Variants in DLC1 observed in about 807,000 individuals in gnomAD.
DLC1 encodes the protein rho GTPase-activating protein 7.
In DLC1, 54 loss-of-function variants were observed where a neutral mutation model predicts 140.3. The ratio of observed to expected loss-of-function variants is 0.38; its 90% CI spans 0.31 to 0.48. The LOEUF (loss-of-function observed/expected upper bound fraction) is 0.48, where lower values mean the gene tolerates loss of function less well. Ranked by LOEUF, DLC1 falls within the 20% of genes least tolerant of loss-of-function variation. The pLI is 0.96. For missense variants in DLC1, 2,536 were observed against 1,907.0 expected, an observed-to-expected ratio of 1.33 and a Z score of -6.14; for synonymous variants, 986 against 728.1, an observed-to-expected ratio of 1.35 and a Z score of -5.70.
At chr8:13,308,798 T>C (rs183740471) in intron 4 of DLC1, among the ~76,000 whole-genome samples, 33 of 152,262 alleles carry the variant, frequency 2.2e-4, no homozygotes, top group African/African-American at 7.9e-4. Flanking sequence ...AGAAATGGAA[T>C]GGTTTTCTTG....
intron 4 of DLC1, among the ~76,000 whole-genome samples, chr8:13,389,002 T>C (rs1586256199): frequency 6.6e-6 from 1 of 152,086 alleles, no homozygotes; most frequent in African/African-American, 2.4e-5. Flanking sequence ...TGTGAATCCC[T>C]GTAAAGTATA....
chr8:13,445,994 A>T (rs150787933), intron 2 of DLC1, among the ~76,000 whole-genome samples: 12 of 152,320 alleles, frequency 7.9e-5, no homozygotes, highest in African/African-American at 2.9e-4. Flanking sequence ...TTGGTCATAC[A>T]GTTGTTGACT....
intron 5 of DLC1, among the ~76,000 whole-genome samples, chr8:13,229,250 G>C (rs1429990940): frequency 6.6e-6 from 1 of 152,102 alleles, no homozygotes; most frequent in Admixed American, 6.5e-5. Context: ...ATATCATTTG[G>C]CAGTACAAAG....
intron 2 of DLC1, among the ~76,000 whole-genome samples, chr8:13,490,402 G>T (rs146232861): frequency 1.3e-5 from 2 of 152,098 alleles, no homozygotes; most frequent in Non-Finnish European, 2.9e-5. Context: ...TTTTCTTTAC[G>T]GTTAGAAAAT....
chr8:13,451,288 G>C (rs945631914), intron 2 of DLC1, among the ~76,000 whole-genome samples: 1 of 151,952 alleles, frequency 6.6e-6, no homozygotes, highest in South Asian at 2.1e-4. Context: ...GAGATATTTT[G>C]GTACAGGCAT....
intron 5 of DLC1, among the ~76,000 whole-genome samples, chr8:13,265,779 G>C (rs574159235): frequency 1.5e-5 from 2 of 133,082 alleles, no homozygotes; most frequent in African/African-American, 5.7e-5. Flanking sequence ...TTCCTTCCTT[G>C]TTAAATGTTT....
rs773906117 is a variant in DLC1 at position 13,324,339 on chromosome 8, C to T, written c.1315-19037G>A. Reference sequence around the variant, plus strand: ...ATCCCAGCACTTTGGGAGGCCGAGGCGGATGGATCACGAGGTCAGGAGATC... The same window carrying T: ...ATCCCAGCACTTTGGGAGGCCGAGGTGGATGGATCACGAGGTCAGGAGATC... On this transcript the variant is annotated intron_variant, in intron 4 of 17. Transcript: ENST00000276297. 6.6e-5 allele frequency among the ~76,000 whole-genome samples: 10 copies of T among 152,148 alleles called. No homozygotes were observed. The South Asian group carries it at 1.0e-3, about 16-fold the overall frequency.
Position 13,094,762 on chromosome 8 carries a change from G to A in DLC1, c.3523C>T (p.Gln1175Ter). Residue 1175 changes from glutamine to a stop codon, truncating the protein, a stop_gained, in exon 12 of 18, where the codon CAA becomes TAA. Coordinates refer to ENST00000276297, the MANE Select transcript of DLC1 (RefSeq NM_182643.3). LOFTEE classifies it high-confidence loss of function. ...KLSETFLQIY[Q>*]YVPKDQRLQA... is the part of the protein sequence containing the mutation. Reference sequence around the variant, plus strand: ...CTTAAGATCAAAGGACACTCACATTGGTAGATCTGTAGAAAGGTTTCCGAG... The same window carrying A: ...CTTAAGATCAAAGGACACTCACATTAGTAGATCTGTAGAAAGGTTTCCGAG... 6.2e-7 allele frequency: 1 copy of A among 1,614,148 alleles called. No homozygotes were observed. The highest frequency in any genetic ancestry group is 1.7e-5 in the Admixed American group (1 of 60,016).
At chr8:13,262,746 A>G (rs753792764) in intron 5 of DLC1, among the ~76,000 whole-genome samples, 3 of 152,130 alleles carry the variant, frequency 2.0e-5, no homozygotes, top group Non-Finnish European at 4.4e-5. Context: ...CATTTTTAAG[A>G]TAACATTCAA....
At chr8:13,454,594 C>T (rs557806857) in intron 2 of DLC1, among the ~76,000 whole-genome samples, 2 of 152,274 alleles carry the variant, frequency 1.3e-5, no homozygotes, top group African/African-American at 4.8e-5. Context: ...CTTGCTCTGT[C>T]ATCCAGGCTG....
At chr8:13,565,644 A>G (rs888982228) in intron 1 of DLC1, among the ~76,000 whole-genome samples, 2 of 152,162 alleles carry the variant, frequency 1.3e-5, no homozygotes, top group Admixed American at 1.3e-4. Flanking sequence ...CATTTGGGGA[A>G]TATATCTGGC....
At chr8:13,412,764 G>A (rs372611128) in intron 2 of DLC1, among the ~76,000 whole-genome samples, 2 of 151,834 alleles carry the variant, frequency 1.3e-5, no homozygotes, top group Admixed American at 6.6e-5. Flanking sequence ...AACCCCGTCT[G>A]TACTAAAAAT....
intron 4 of DLC1, among the ~76,000 whole-genome samples, chr8:13,362,870 GCTT>G (rs1835299798): frequency 6.6e-6 from 1 of 151,980 alleles, no homozygotes; most frequent in African/African-American, 2.4e-5. Context: ...CACATGGCTG[GCTT>G]CTTCTCATCA....
At chr8:13,523,708 A>G (rs968021319) in intron 1 of DLC1, among the ~76,000 whole-genome samples, 1 of 152,192 alleles carries the variant, frequency 6.6e-6, no homozygotes, top group Non-Finnish European at 1.5e-5. Context: ...TATGGAAAAA[A>G]TTAGCATGGT....
At chr8:13,600,841 T>C (rs1221737926) in intron 1 of DLC1, among the ~76,000 whole-genome samples, 2 of 151,470 alleles carry the variant, frequency 1.3e-5, no homozygotes, top group Non-Finnish European at 3.0e-5. Context: ...GATCAGGGCA[T>C]TTATTTGTAT....
chr8:13,142,707 A>C (rs1373968631), intron 5 of DLC1, among the ~76,000 whole-genome samples: 1 of 152,184 alleles, frequency 6.6e-6, no homozygotes, highest in African/African-American at 2.4e-5. Flanking sequence ...TAGGGAAAGA[A>C]AACTATTCTG....
At chr8:13,222,513 T>G (rs1296491571) in intron 5 of DLC1, among the ~76,000 whole-genome samples, 1 of 152,192 alleles carries the variant, frequency 6.6e-6, no homozygotes, top group Non-Finnish European at 1.5e-5. Flanking sequence ...GCTGTGTGAT[T>G]GCTTCTCTGT....
At chr8:13,305,992 T>C (rs999800085) in intron 4 of DLC1, among the ~76,000 whole-genome samples, 8 of 152,204 alleles carry the variant, frequency 5.3e-5, no homozygotes, top group African/African-American at 1.9e-4. Context: ...CTGTTGCTTA[T>C]TTTTTCTGTG....
intron 1 of DLC1, among the ~76,000 whole-genome samples, chr8:13,598,948 A>T (rs187414797): frequency 1.3e-4 from 20 of 152,088 alleles, no homozygotes; most frequent in Non-Finnish European, 2.7e-4. Flanking sequence ...GTAATATACA[A>T]TTTAAAATAA....
Sources: allele counts gnomAD v4.1 joint callset (sites outside exome capture counted in the v4.1 genomes callset), GRCh38; gene constraint gnomAD v4.1.1; transcripts MANE v1.5; gene names NCBI Gene and HGNC (gene_info 2026-07-23, HGNC 2026-07-21).